The following PTPN2 variants were observed in gnomAD, a reference collection of about 807,000 sequenced individuals.
The protein encoded by PTPN2 is tyrosine-protein phosphatase non-receptor type 2.
Under a neutral mutation model 57.3 loss-of-function variants are expected in PTPN2, and 19 were observed. That is an observed-to-expected ratio of 0.33 (90% CI 0.23 to 0.49). The LOEUF is 0.49. PTPN2 is among the 20% of genes least tolerant of loss of function. PTPN2 has a pLI of 0.99. For missense variants in PTPN2, 358 were observed against 501.1 expected, an observed-to-expected ratio of 0.71 and a Z score of 2.73; for synonymous variants, 153 against 164.9, an observed-to-expected ratio of 0.93 and a Z score of 0.55.
chr18:12,829,044 T>G lies in PTPN2; in HGVS notation c.360+1899A>C, dbSNP rs576924960. On this transcript the variant is annotated intron_variant, in intron 4 of 8. Transcript: ENST00000309660. Reference sequence around the variant, plus strand: ...CCCCAGGTAGCTGGGACTACAGGCATGCGCCACCACACCCAGCTAATTTTT... The same window carrying G: ...CCCCAGGTAGCTGGGACTACAGGCAGGCGCCACCACACCCAGCTAATTTTT... 2.6e-5 allele frequency among the ~76,000 whole-genome samples: 4 copies of G among 152,264 alleles called. No homozygotes were observed. The South Asian group carries it at 8.3e-4, about 32-fold the overall frequency.
chr18:12,797,699 G>C (rs1025667237), intron 8 of PTPN2, among the ~76,000 whole-genome samples: 6 of 152,104 alleles, frequency 3.9e-5, no homozygotes, highest in Non-Finnish European at 8.8e-5. Flanking sequence ...TGCCAAATGG[G>C]ACCTGCCCAG....
At chr18:12,870,424 T>C (rs867364604) in intron 1 of PTPN2, among the ~76,000 whole-genome samples, 7,212 of 53,530 alleles carry the variant, frequency 0.13, 924 homozygotes, top group Middle Eastern at 0.18. Context: ...TGTATATATA[T>C]ACGTATATAT....
chr18:12,854,088 G>C (rs924129128), intron 2 of PTPN2, among the ~76,000 whole-genome samples: 1 of 152,132 alleles, frequency 6.6e-6, no homozygotes. Context: ...GCTGAGCACG[G>C]TGCCTCACAC....
chr18:12,883,851 G>C (rs1364601062), intron 1 of PTPN2: 4 of 460,614 alleles, frequency 8.7e-6, no homozygotes, highest in Non-Finnish European at 1.5e-5. Context: ...CTAACCATGA[G>C]CTGCTCAGCT....
intron 8 of PTPN2, among the ~76,000 whole-genome samples, chr18:12,796,759 T>G: frequency 6.6e-6 from 1 of 152,214 alleles, no homozygotes; most frequent in South Asian, 2.1e-4. Flanking sequence ...AATAGAAACC[T>G]TCCCTTCTCT....
intron 4 of PTPN2, 134 bp downstream of exon 4, chr18:12,830,807 CAG>C: frequency 5.3e-6 from 3 of 565,348 alleles, no homozygotes; most frequent in Non-Finnish European, 9.4e-6. Flanking sequence ...TTTTTCCGGA[CAG>C]AAACACTTTG....
In PTPN2 at chr18:12,802,142, T is replaced by C. The variant is rs767968416; in HGVS notation, c.868A>G (p.Lys290Glu). The C allele has an allele frequency of 1.4e-5, 23 of 1,603,674 alleles. No individual in the cohort carries two copies. In the Admixed American group the frequency reaches 2.9e-4, roughly 20 times the overall value. The change falls in exon 8 of 9, where the codon AAA becomes GAA. Residue 290 changes from lysine to glutamate, a missense_variant. By Grantham distance (56) the Lys-to-Glu change is moderately conservative. Coordinates refer to ENST00000309660, the MANE Select transcript of PTPN2 (RefSeq NM_002828.4). Reference protein sequence around the residue: ...KGDSSIQKRWKELSKEDLSPA... With the variant: ...KGDSSIQKRWEELSKEDLSPA... ...GATAAGTCTTCCTTAGAAAGTTCTT[T>C]CCATCGTTTCTAGGTAGGGAAGAGA... is the stretch of plus-strand genomic sequence containing the variant.
chr18:12,793,423 T>C lies in PTPN2; in HGVS notation c.*855A>G, dbSNP rs1434765674. 4 of 978,846 alleles carry C rather than the reference T, an allele frequency of 4.1e-6. No individual in the cohort carries two copies. The highest frequency in any genetic ancestry group is 4.9e-6 in the Non-Finnish European group (4 of 823,548). The allele number at this position is 978,846 out of a possible 1,614,324, so 60.6% of individuals were successfully genotyped here. A position where few individuals can be genotyped will look rare whatever the true frequency, so the allele number is the denominator to read the frequency against. On this transcript the variant is annotated 3_prime_UTR_variant, in exon 9 of 9. Coordinates refer to ENST00000309660, the MANE Select transcript of PTPN2 (RefSeq NM_002828.4). ...TTGAAATTTTCATGAAAAATAAACATATCAATAATGGGATTTACAGAAACC... is the reference window on the plus strand; with the variant it reads ...TTGAAATTTTCATGAAAAATAAACACATCAATAATGGGATTTACAGAAACC...
At position 12,859,264 on chromosome 18, in the gene PTPN2, A is replaced by G. The variant is rs377060622; in HGVS notation, c.70-10T>C. The G allele has an allele frequency of 1.2e-4, 184 of 1,559,100 alleles. No homozygotes were observed. Among genetic ancestry groups the G allele is most frequent in the Admixed American group, 1.5e-4 (9 of 58,818 alleles). On this transcript the variant is annotated splice_polypyrimidine_tract_variant and intron_variant, in intron 1 of 8. Coordinates refer to ENST00000309660, the MANE Select transcript of PTPN2 (RefSeq NM_002828.4). ...ACTCATTTCGAATTTCCTTAAAATA[A>G]CAAAAATATATTTTAATATCCCTCT...
intron 6 of PTPN2, 36 bp downstream of exon 6, chr18:12,817,120 C>A (rs2042104409): frequency 6.4e-7 from 1 of 1,553,464 alleles, no homozygotes; most frequent in South Asian, 1.2e-5. Context: ...AAAAAAAAAT[C>A]AATGAGATTA....
intron 1 of PTPN2, among the ~76,000 whole-genome samples, chr18:12,878,247 G>A (rs1218657063): frequency 2.0e-5 from 3 of 151,470 alleles, no homozygotes; most frequent in South Asian, 2.1e-4. Context: ...AGCCCAAGAG[G>A]TCGAGACTGC....
Position 12,794,328 on chromosome 18 carries a change from C to A in PTPN2, c.1198G>T (p.Val400Phe), listed in dbSNP as rs764960685. 1.7e-5 allele frequency: 27 copies of A among 1,614,178 alleles called. No individual in the cohort carries two copies. The East Asian group carries it at 6.0e-4, about 36-fold the overall frequency. The change falls in exon 9 of 9, where the codon GTT becomes TTT. Residue 400 changes from valine (V) to phenylalanine (F), a missense_variant. Coordinates refer to ENST00000309660, the MANE Select transcript of PTPN2 (RefSeq NM_002828.4). ...AGTGTCCAGCCAACAAAAGCGCCAA[C>A]CAAAATGACTGACATAAACCCCATC... ...TKMGFMSVIL[V>F]GAFVGWTLFF...
chr18:12,817,119 T>C (rs750285627), intron 6 of PTPN2, 37 bp downstream of exon 6: 2 of 1,533,314 alleles, frequency 1.3e-6, no homozygotes, highest in South Asian at 2.4e-5. Context: ...AAAAAAAAAA[T>C]CAATGAGATT....
Position 12,852,190 on chromosome 18 carries a change from T to TC in PTPN2, c.160+6973_160+6974insG, listed in dbSNP as rs2043419005. ...ACAAGAAATTTATGGTATGGGTTTT[T>TC]AACACACACACACACACACACACAC... On this transcript the variant is annotated intron_variant, in intron 2 of 8. Coordinates refer to ENST00000309660, the MANE Select transcript of PTPN2 (RefSeq NM_002828.4). 1.3e-4 allele frequency among the ~76,000 whole-genome samples: 6 copies of TC among 46,840 alleles called. No individual in the cohort carries two copies. The South Asian group carries it at 2.4e-3, about 19-fold the overall frequency. The allele number at this position is 46,840 out of a possible 152,430, so 30.7% of individuals were successfully genotyped here. A position where few individuals can be genotyped will look rare whatever the true frequency, so the allele number is the denominator to read the frequency against.
chr18:12,814,108 T>C, intron 7 of PTPN2, 95 bp downstream of exon 7: 1 of 1,060,130 alleles, frequency 9.4e-7, no homozygotes. Context: ...AAATACACTC[T>C]TTGAAACAAA....
intron 4 of PTPN2, 130 bp from the exon 5 acceptor site, chr18:12,826,074 C>T (rs556173811): frequency 3.7e-5 from 25 of 673,232 alleles, no homozygotes; most frequent in Middle Eastern, 3.9e-4. Flanking sequence ...TAAGAAGTCA[C>T]TACTATATTC....
At chr18:12,838,321 G>C (rs1442680053) in intron 2 of PTPN2, among the ~76,000 whole-genome samples, 1 of 152,120 alleles carries the variant, frequency 6.6e-6, no homozygotes, top group African/African-American at 2.4e-5. Flanking sequence ...CACCTCACAG[G>C]GTGCTGGGAA....
chr18:12,862,486 T>TA (rs2043847995), intron 1 of PTPN2: 2 of 152,212 alleles, frequency 1.3e-5, no homozygotes, highest in Non-Finnish European at 2.9e-5. Flanking sequence ...TTACTAAAGG[T>TA]AACTGCTTTT....
At chr18:12,822,399 C>G (rs754341996) in intron 5 of PTPN2, among the ~76,000 whole-genome samples, 2 of 152,146 alleles carry the variant, frequency 1.3e-5, no homozygotes, top group Non-Finnish European at 2.9e-5. Flanking sequence ...AAGACAAGTA[C>G]TCTAGATGAC....
Sources: allele counts gnomAD v4.1 joint callset (sites outside exome capture counted in the v4.1 genomes callset), GRCh38; gene constraint gnomAD v4.1.1; transcripts MANE v1.5; gene names NCBI Gene and HGNC (gene_info 2026-07-23, HGNC 2026-07-21).